Variants in AXIN1 observed in about 807,000 individuals in gnomAD.
The protein encoded by AXIN1 is axin 1.
A neutral mutation model predicts 76.4 loss-of-function variants in AXIN1; 30 were observed. That is an observed-to-expected ratio of 0.39 (90% CI 0.29 to 0.53). AXIN1 has a LOEUF of 0.53. Among genes scored for constraint, AXIN1 ranks in the 20% least tolerant of loss-of-function variants. The probability of loss-of-function intolerance (pLI) is 0.66; values close to 1 mark genes in which losing one functional copy is unlikely to be tolerated. For missense variants in AXIN1, 1,140 were observed against 1,198.8 expected, an observed-to-expected ratio of 0.95 and a Z score of 0.72; for synonymous variants, 545 against 501.4, an observed-to-expected ratio of 1.09 and a Z score of -1.16.
In AXIN1 at chr16:293,390, T is replaced by G. The variant is rs1051009641; in HGVS notation, c.2186+98A>C. On this transcript the variant is annotated intron_variant, in intron 8 of 10. Transcript: ENST00000262320. The surrounding 1 kb of genome is among the most constrained non-coding windows in gnomAD (Gnocchi z 4.6). ...TGGCTGGGGGACACCCAGAGGGCCG[T>G]TTTTCCCCTGAAGACCTCAGGCCTC... The G allele has an allele frequency of 2.1e-5, 27 of 1,279,188 alleles. No individual in the cohort carries two copies. The highest frequency in any genetic ancestry group is 2.9e-5 in the African/African-American group (2 of 67,920). The allele number at this position is 1,279,188 out of a possible 1,614,324, so 79.2% of individuals were successfully genotyped here.
chr16:315,375 G>A (rs1322222293), intron 2 of AXIN1, among the ~76,000 whole-genome samples: 3 of 152,142 alleles, frequency 2.0e-5, no homozygotes, highest in Non-Finnish European at 2.9e-5. Context: ...CATTTTCTAT[G>A]GGGTGGATTA....
rs537257895 is a variant in AXIN1, at chr16:339,879, C to A, written c.878+6269G>T. On this transcript the variant is annotated intron_variant, in intron 2 of 10. Transcript: ENST00000262320. ...GGGGGCGACCCCACCCTGGGCCACACCCTTTGCACAGGAAGCAGAGTTCAC... is the reference window on the plus strand; with the variant it reads ...GGGGGCGACCCCACCCTGGGCCACAACCTTTGCACAGGAAGCAGAGTTCAC... Among the ~76,000 whole-genome samples, 44 of 152,248 alleles carry A rather than the reference C, an allele frequency of 2.9e-4. 1 individual carries two copies. The South Asian group carries it at 5.8e-3, about 20-fold the overall frequency.
rs1434512715 is a variant in AXIN1 at position 352,659 on chromosome 16, G to A, written c.-372C>T. 1.3e-5 allele frequency: 2 copies of A among 156,578 alleles called. No homozygotes were observed. The highest frequency in any genetic ancestry group is 1.6e-4 in the East Asian group (1 of 6,096). 9.7% of individuals were successfully genotyped at this position (156,578 alleles called of 1,614,324 possible). ...GGCAGCGGCCACGATCGCCTCCCGA[G>A]CCAGAGCCCGAGCCAGAGCGCCGAA... On this transcript the variant is annotated 5_prime_UTR_variant, in exon 1 of 11. Coordinates refer to ENST00000262320, the MANE Select transcript of AXIN1 (RefSeq NM_003502.4).
Position 291,257 on chromosome 16 carries a change from T to G in AXIN1, c.2227A>C (p.Arg743=). The change falls in exon 9 of 11, where the codon AGG becomes CGG. Residue 743 remains arginine (R), a synonymous_variant. Transcript: ENST00000262320. ...TGCAGCACCGGCGCGCACGCTGGCC[T>G]GACGCAGGCGCGTCCCCGCCGCATA... ...EVMRRGRACV[R]PACAPVLHVV... 6.3e-7 allele frequency: 1 copy of G among 1,585,434 alleles called. No homozygotes were observed. The highest frequency in any genetic ancestry group is 1.7e-4 in the Middle Eastern group (1 of 6,014).
In AXIN1 at chr16:311,161, C is replaced by G. The variant is rs921460974; in HGVS notation, c.1020-1092G>C. On this transcript the variant is annotated intron_variant, in intron 3 of 10. Coordinates refer to ENST00000262320, the MANE Select transcript of AXIN1 (RefSeq NM_003502.4). ...TCTCCTGCCTCAGCCTCCCGAGTAG[C>G]TGGGACTACAGGTGCCCGCCACCAC... Among the ~76,000 whole-genome samples the G allele has an allele frequency of 1.1e-4, 16 of 151,838 alleles. 1 individual carries two copies. The highest frequency in any genetic ancestry group is 3.9e-4 in the African/African-American group (16 of 41,454).
chr16:325,988 G>A lies in AXIN1; in HGVS notation c.879-11305C>T, dbSNP rs141960653. Among the ~76,000 whole-genome samples the A allele has an allele frequency of 1.1e-3, 174 of 152,054 alleles. 1 individual carries two copies. Among genetic ancestry groups the A allele is most frequent in the South Asian group, 6.2e-3 (30 of 4,808 alleles). On this transcript the variant is annotated intron_variant, in intron 2 of 10. Coordinates refer to ENST00000262320, the MANE Select transcript of AXIN1 (RefSeq NM_003502.4). ...CCGCCCTGGTTCACACCGGCATGGA[G>A]AGGTCTCGCTTCTGTTTTAGCAATA... is the stretch of plus-strand genomic sequence containing the variant.
intron 9 of AXIN1, chr16:290,194 C>T: frequency 6.2e-6 from 1 of 161,914 alleles, no homozygotes; most frequent in South Asian, 1.7e-4. Context: ...GCTCTCGCAC[C>T]CCCCACTCGG....
chr16:319,433 T>G (rs2053388405), intron 2 of AXIN1, among the ~76,000 whole-genome samples: 1 of 152,222 alleles, frequency 6.6e-6, no homozygotes, highest in Non-Finnish European at 1.5e-5. Context: ...GAGGCGCTGA[T>G]GGCAGAATCA....
At chr16:326,372 A>ATATATAT (rs1555483772) in intron 2 of AXIN1, among the ~76,000 whole-genome samples, 79 of 86,416 alleles carry the variant, frequency 9.1e-4, no homozygotes, top group East Asian at 3.6e-3. Flanking sequence ...AAAAAAAAAA[A>ATATATAT]ATATATATAT....
intron 9 of AXIN1, 61 bp from the exon 10 acceptor site, chr16:289,668 C>T (rs904868154): frequency 7.5e-6 from 12 of 1,598,088 alleles, no homozygotes; most frequent in Non-Finnish European, 8.5e-6. Context: ...AGGGTCCCTC[C>T]TGCTGGCCTC....
chr16:306,525 C>T (rs2053030905), intron 4 of AXIN1, among the ~76,000 whole-genome samples: 1 of 151,402 alleles, frequency 6.6e-6, no homozygotes, highest in Admixed American at 6.6e-5. Context: ...GCAGTCCTGG[C>T]TCTGTGCACC....
chr16:315,460 T>C (rs1343755538), intron 2 of AXIN1, among the ~76,000 whole-genome samples: 2 of 152,222 alleles, frequency 1.3e-5, no homozygotes, highest in African/African-American at 4.8e-5. Context: ...CAAAAAACAT[T>C]TTCTCCCTAA....
At chr16:319,467 C>A (rs2053388989) in intron 2 of AXIN1, among the ~76,000 whole-genome samples, 1 of 152,210 alleles carries the variant, frequency 6.6e-6, no homozygotes. Flanking sequence ...GTGTCATAAA[C>A]AAACACCTGT....
At chr16:304,250 CAAG>C in intron 5 of AXIN1, 51 bp downstream of exon 5, 1 of 1,602,494 alleles carries the variant, frequency 6.2e-7, no homozygotes, top group South Asian at 1.1e-5. Flanking sequence ...ATCCCGGCGG[CAAG>C]AAAACAGCAC....
At chr16:348,960 T>C (rs2054087888) in intron 1 of AXIN1, among the ~76,000 whole-genome samples, 2 of 151,748 alleles carry the variant, frequency 1.3e-5, no homozygotes, top group Admixed American at 1.3e-4. Flanking sequence ...TAGCCAGGCA[T>C]GGTGGTGGGC....
rs565518392 is a variant in AXIN1, at chr16:291,176, C to G, written c.2294+14G>C. 1.3e-6 allele frequency: 2 copies of G among 1,568,638 alleles called. No homozygotes were observed. The highest frequency in any genetic ancestry group is 1.3e-5 in the African/African-American group (1 of 74,496). On this transcript the variant is annotated intron_variant, in intron 9 of 10. Coordinates refer to ENST00000262320, the MANE Select transcript of AXIN1 (RefSeq NM_003502.4). ...GGGTGGGCAGGACCGGGAGGACCCT[C>G]AGGACGCACGTACTCTGTCTCGGAG...
At chr16:324,210 C>T (rs1467519706) in intron 2 of AXIN1, among the ~76,000 whole-genome samples, 1 of 152,218 alleles carries the variant, frequency 6.6e-6, no homozygotes, top group South Asian at 2.1e-4. Context: ...ACGGGTCTTC[C>T]GGGCCACATT....
chr16:299,828 T>C (rs2052821910), intron 5 of AXIN1, among the ~76,000 whole-genome samples: 1 of 151,448 alleles, frequency 6.6e-6, no homozygotes. Context: ...GCTAATTTTT[T>C]ATATTTTTAG....
chr16:333,018 C>A lies in AXIN1; in HGVS notation c.878+13130G>T, dbSNP rs962556806. On this transcript the variant is annotated intron_variant, in intron 2 of 10. Coordinates refer to ENST00000262320, the MANE Select transcript of AXIN1 (RefSeq NM_003502.4). ...TGGGCAACACTGGGAGACCTTGTCT[C>A]TACAAAAAACTGTAAAAAAATATTA... Among the ~76,000 whole-genome samples the A allele has an allele frequency of 2.0e-4, 30 of 152,180 alleles. 1 individual carries two copies. The highest frequency in any genetic ancestry group is 6.3e-4 in the African/African-American group (26 of 41,510).
Sources: gnomAD v4.1 joint callset for allele counts (sites outside exome capture counted in the v4.1 genomes callset) on GRCh38, gnomAD v4.1.1 for gene constraint, Gnocchi (gnomAD v3.1) non-coding constraint, MANE v1.5 for transcripts, NCBI Gene and HGNC (gene_info 2026-07-23, HGNC 2026-07-21) for gene names.